Variants in GABRR1 observed in about 807,000 individuals in gnomAD.
GABRR1 encodes the protein gamma-aminobutyric acid receptor subunit rho-1.
In GABRR1, 59 loss-of-function variants were observed where a neutral mutation model predicts 55.5. The ratio of observed to expected loss-of-function variants is 1.06; its 90% CI spans 0.86 to 1.32. The LOEUF is 1.32. GABRR1 is among the 40% of genes most tolerant of loss of function. GABRR1 has a pLI of 0.00. For missense variants in GABRR1, 602 were observed against 619.1 expected, an observed-to-expected ratio of 0.97 and a Z score of 0.29; for synonymous variants, 213 against 226.0, an observed-to-expected ratio of 0.94 and a Z score of 0.51.
Position 89,217,216 on chromosome 6 carries a change from A to G in GABRR1, c.107T>C (p.Met36Thr). ...MHWPGREVHE[M>T]SKKGRPQRQR... Reference sequence around the variant, plus strand: ...GTCCACTCACCTGCCTTTCTTAGACATCTCGTGGACTTCTCTTCCGGGCCA... The same window carrying G: ...GTCCACTCACCTGCCTTTCTTAGACGTCTCGTGGACTTCTCTTCCGGGCCA... Residue 36 changes from methionine to threonine, a missense_variant, in exon 1 of 10, where the codon ATG becomes ACG. Physicochemically the swap from Met to Thr is moderately conservative, Grantham distance 81 (BLOSUM62 -1). This residue lies in a region of GABRR1 where 435 missense variants were observed against 424.2 expected (regional missense o/e 1.03). Coordinates refer to ENST00000454853, the MANE Select transcript of GABRR1 (RefSeq NM_002042.5). 3.7e-6 allele frequency: 6 copies of G among 1,614,050 alleles called. No individual in the cohort carries two copies. Among genetic ancestry groups the G allele is most frequent in the Non-Finnish European group, 5.1e-6 (6 of 1,179,990 alleles).
chr6:89,208,507 T>C (rs541658544), intron 1 of GABRR1, among the ~76,000 whole-genome samples: 2 of 152,226 alleles, frequency 1.3e-5, no homozygotes, highest in Non-Finnish European at 2.9e-5. Context: ...AAAAATGTGG[T>C]TAACATTTAG....
intron 1 of GABRR1, among the ~76,000 whole-genome samples, chr6:89,224,733 G>A (rs904157967): frequency 6.6e-6 from 1 of 152,034 alleles, no homozygotes; most frequent in Non-Finnish European, 1.5e-5. Context: ...TGGTCATGAA[G>A]TCTTTGCCTA....
chr6:89,194,805 G>A (rs561388542), intron 5 of GABRR1, among the ~76,000 whole-genome samples: 1 of 152,116 alleles, frequency 6.6e-6, no homozygotes, highest in East Asian at 1.9e-4. Flanking sequence ...CTGTGAGCTA[G>A]AAGACTGGCT....
intron 1 of GABRR1, among the ~76,000 whole-genome samples, chr6:89,208,391 T>C (rs1462406022): frequency 1.3e-5 from 2 of 152,254 alleles, no homozygotes; most frequent in East Asian, 1.9e-4. Context: ...TTTCAAATTA[T>C]GTTCTCTAAA....
At chr6:89,212,649 A>T (rs1236096602) in intron 1 of GABRR1, among the ~76,000 whole-genome samples, 1 of 130,612 alleles carries the variant, frequency 7.7e-6, no homozygotes, top group East Asian at 2.0e-4. Context: ...ACCGGCAGTA[A>T]GTTTTGGGTT....
upstream of GABRR1, among the ~76,000 whole-genome samples, chr6:89,220,052 C>T (rs1773091171): frequency 1.3e-5 from 2 of 152,112 alleles, no homozygotes; most frequent in South Asian, 4.1e-4. Context: ...ATTTAAAGAC[C>T]AAATTGTCTA....
intron 5 of GABRR1, among the ~76,000 whole-genome samples, chr6:89,197,485 G>GT (rs1562297569): frequency 6.6e-6 from 1 of 152,186 alleles, no homozygotes; most frequent in African/African-American, 2.4e-5. Context: ...GCAATTAAAC[G>GT]TTTTTAAAGT....
At chr6:89,182,328 T>G (rs369657) in intron 7 of GABRR1, among the ~76,000 whole-genome samples, 150,948 of 152,244 alleles carry the variant, frequency 0.99, 74,843 homozygotes, top group East Asian at 1. Flanking sequence ...CTTAAGACAG[T>G]GTATCACTCT....
At chr6:89,216,495 T>G (rs1772985219) in intron 1 of GABRR1, among the ~76,000 whole-genome samples, 1 of 152,158 alleles carries the variant, frequency 6.6e-6, no homozygotes, top group Admixed American at 6.6e-5. Context: ...GGCAAGCAGG[T>G]GTGCATCCCA....
chr6:89,192,564 C>CTTTT (rs577439930), intron 5 of GABRR1, among the ~76,000 whole-genome samples: 6 of 130,382 alleles, frequency 4.6e-5, no homozygotes, highest in African/African-American at 8.9e-5. Flanking sequence ...TCTTCTTCTT[C>CTTTT]TTTTTTTTTT....
At chr6:89,212,657 GTTATTTATTTATTTAT>G (rs6149685) in intron 1 of GABRR1, among the ~76,000 whole-genome samples, 1 of 149,002 alleles carries the variant, frequency 6.7e-6, no homozygotes, top group African/African-American at 2.5e-5. Context: ...TAAGTTTTGG[GTTATTTATTTATTTAT>G]TTATTTATTT....
chr6:89,185,304 A>T lies in GABRR1; in HGVS notation c.796+6T>A. On this transcript the variant is annotated splice_donor_region_variant and intron_variant, in intron 7 of 9. Coordinates refer to ENST00000454853, the MANE Select transcript of GABRR1 (RefSeq NM_002042.5). ...CCCTGACTCTCAGCCCTCACTCTACACTTACCTGTGCTGCTGTAGAAAGCC... is the reference window on the plus strand; with the variant it reads ...CCCTGACTCTCAGCCCTCACTCTACTCTTACCTGTGCTGCTGTAGAAAGCC... The T allele has an allele frequency of 1.9e-6, 3 of 1,613,928 alleles. No individual in the cohort carries two copies. Among genetic ancestry groups the T allele is most frequent in the Non-Finnish European group, 2.5e-6 (3 of 1,179,848 alleles).
intron 2 of GABRR1, 66 bp from the exon 3 acceptor site, chr6:89,201,331 A>T: frequency 1.8e-6 from 2 of 1,093,748 alleles, no homozygotes; most frequent in Non-Finnish European, 2.8e-6. Flanking sequence ...AGTAACTTGC[A>T]TTCTGACTTG....
intron 1 of GABRR1, among the ~76,000 whole-genome samples, chr6:89,227,974 C>T (rs1256075029): frequency 5.2e-4 from 59 of 113,882 alleles, no homozygotes; most frequent in Non-Finnish European, 1.0e-3. Context: ...GATTCAACTT[C>T]TTCCTGGTTT....
At chr6:89,181,459 G>A (rs1448083956) in intron 8 of GABRR1, among the ~76,000 whole-genome samples, 1 of 152,186 alleles carries the variant, frequency 6.6e-6, no homozygotes, top group Non-Finnish European at 1.5e-5. Context: ...TGTTAAAAAT[G>A]CAGGTTCCTG....
intron 2 of GABRR1, 112 bp from the exon 3 acceptor site, chr6:89,201,377 T>C: frequency 4.4e-6 from 3 of 684,200 alleles, no homozygotes; most frequent in Non-Finnish European, 7.8e-6. Context: ...CTATTTCTTC[T>C]TTTAAGCTAT....
intron 5 of GABRR1, among the ~76,000 whole-genome samples, chr6:89,194,673 G>A (rs150614414): frequency 3.9e-4 from 59 of 152,132 alleles, no homozygotes; most frequent in African/African-American, 1.3e-3. Context: ...TTAACAAAGA[G>A]ACTGAAATAA....
intron 5 of GABRR1, among the ~76,000 whole-genome samples, chr6:89,197,134 G>A (rs1396143966): frequency 6.6e-6 from 1 of 152,160 alleles, no homozygotes; most frequent in African/African-American, 2.4e-5. Flanking sequence ...TGGGGAATGG[G>A]GACAGAAAGT....
At chr6:89,200,201 T>C (rs1176379829) in intron 3 of GABRR1, among the ~76,000 whole-genome samples, 1 of 151,146 alleles carries the variant, frequency 6.6e-6, no homozygotes, top group Non-Finnish European at 1.5e-5. Context: ...TAAAAGTGAC[T>C]GGAAGAAAAA....
Sources: gnomAD v4.1 joint callset for allele counts (sites outside exome capture counted in the v4.1 genomes callset) on GRCh38, gnomAD v4.1.1 for gene constraint, gnomAD v4.1.1 regional missense constraint, MANE v1.5 for transcripts, NCBI Gene and HGNC (gene_info 2026-07-23, HGNC 2026-07-21) for gene names.